Variants in CCM2 observed in about 807,000 individuals in gnomAD.
The protein encoded by CCM2 is CCM2 scaffold protein, also known as cerebral cavernous malformations 2 protein.
Under a neutral mutation model 44.9 loss-of-function variants are expected in CCM2, and 25 were observed. The ratio of observed to expected loss-of-function variants is 0.56; its 90% CI spans 0.41 to 0.78. The LOEUF (loss-of-function observed/expected upper bound fraction) is 0.78, where lower values mean the gene tolerates loss of function less well. Ranked by LOEUF, CCM2 falls within the 30% of genes least tolerant of loss-of-function variation. CCM2 has a pLI of 0.00. For synonymous variants in CCM2, 219 were observed against 241.1 expected, an observed-to-expected ratio of 0.91 and a Z score of 0.85; for missense variants, 481 against 580.6, an observed-to-expected ratio of 0.83 and a Z score of 1.76.
intron 2 of CCM2, among the ~76,000 whole-genome samples, chr7:45,052,817 T>C (rs1272693085): frequency 3.9e-5 from 6 of 152,188 alleles, no homozygotes; most frequent in Admixed American, 3.9e-4. Flanking sequence ...TAATCTCTGC[T>C]TTTCCCACTG....
intron 2 of CCM2, among the ~76,000 whole-genome samples, chr7:45,053,321 C>T (rs1245236525): frequency 6.6e-6 from 1 of 152,216 alleles, no homozygotes; most frequent in African/African-American, 2.4e-5. Flanking sequence ...CTCCTTCAGT[C>T]AGTGTTTCTG....
chr7:45,056,917 GTTTTCTTCTAAGAA>G (rs999719084), intron 2 of CCM2, among the ~76,000 whole-genome samples: 10 of 152,056 alleles, frequency 6.6e-5, no homozygotes, highest in African/African-American at 2.4e-4. Flanking sequence ...CTTTTCCTGT[GTTTTCTTCTAAGAA>G]TTTTATAGTT....
At chr7:45,043,386 T>C (rs1189560148) in intron 2 of CCM2, among the ~76,000 whole-genome samples, 1 of 152,214 alleles carries the variant, frequency 6.6e-6, no homozygotes, top group Non-Finnish European at 1.5e-5. Flanking sequence ...CTCAGGAAAC[T>C]ATTAGGTAAC....
Position 45,064,505 on chromosome 7 carries a change from G to A in CCM2, c.331G>A (p.Ala111Thr). 2 of 1,613,806 alleles carry A rather than the reference G, an allele frequency of 1.2e-6. No individual in the cohort carries two copies. The highest frequency in any genetic ancestry group is 1.1e-5 in the South Asian group (1 of 91,048). ...LPGHLTQEHDAVLSLSAYNVK... is the reference protein window; with the variant it reads ...LPGHLTQEHDTVLSLSAYNVK... ...GGGACACTTGACTCAGGAGCACGAT[G>A]CTGTGCTCAGCCTGTCTGCGTACAA... is the stretch of plus-strand genomic sequence containing the variant. Residue 111 changes from alanine to threonine, a missense_variant, in exon 4 of 10, where the codon GCT (alanine) becomes ACT (threonine). Ala to Thr is a moderately conservative substitution (Grantham distance 58). Coordinates refer to ENST00000258781, the MANE Select transcript of CCM2 (RefSeq NM_031443.4).
intron 2 of CCM2, among the ~76,000 whole-genome samples, chr7:45,055,643 G>A (rs529452240): frequency 4.5e-4 from 69 of 152,286 alleles, no homozygotes; most frequent in African/African-American, 1.5e-3. Flanking sequence ...AGCTGAGATC[G>A]CACCACTGCA....
At chr7:45,064,095 C>G (rs1180844457) in intron 3 of CCM2, 94 bp downstream of exon 3, 1 of 846,530 alleles carries the variant, frequency 1.2e-6, no homozygotes, top group Non-Finnish European at 2.0e-6. Context: ...AGGAATGAGC[C>G]AGTCCCATCA....
intron 2 of CCM2, among the ~76,000 whole-genome samples, chr7:45,054,104 A>G (rs1389836215): frequency 6.6e-6 from 1 of 152,184 alleles, no homozygotes; most frequent in Admixed American, 6.5e-5. Context: ...GTCCTCTCCC[A>G]GGTGCATTCC....
At chr7:45,060,176 A>G (rs1180086400) in intron 2 of CCM2, among the ~76,000 whole-genome samples, 1 of 152,110 alleles carries the variant, frequency 6.6e-6, no homozygotes, top group African/African-American at 2.4e-5. Context: ...TCTGATAAAA[A>G]TCTTTATTTC....
intron 1 of CCM2, among the ~76,000 whole-genome samples, chr7:45,019,735 A>C (rs1796408274): frequency 6.6e-6 from 1 of 152,192 alleles, no homozygotes; most frequent in Middle Eastern, 3.4e-3. Context: ...GGCATGCACT[A>C]TCTGGCTAAT....
intron 1 of CCM2, among the ~76,000 whole-genome samples, chr7:45,002,141 T>C (rs193115772): frequency 2.0e-5 from 3 of 152,318 alleles, no homozygotes; most frequent in East Asian, 3.9e-4. Flanking sequence ...ACTTCGGTGG[T>C]TAAATCATTC....
At chr7:45,073,027 G>A in intron 7 of CCM2, 1 of 627,180 alleles carries the variant, frequency 1.6e-6, no homozygotes, top group Non-Finnish European at 2.9e-6. Flanking sequence ...CCTCCCAAGA[G>A]TGAGCTTGTA....
At chr7:45,030,733 T>A (rs1225956590) in intron 1 of CCM2, among the ~76,000 whole-genome samples, 1 of 152,106 alleles carries the variant, frequency 6.6e-6, no homozygotes, top group African/African-American at 2.4e-5. Flanking sequence ...TTTTATTTAT[T>A]TTTTTCTTGA....
At chr7:45,069,700 C>A in intron 5 of CCM2, 126 bp from the exon 6 acceptor site, 1 of 1,238,686 alleles carries the variant, frequency 8.1e-7, no homozygotes, top group Non-Finnish European at 1.2e-6. Context: ...CAGAGGGACA[C>A]ATTCTGGTAT....
chr7:45,020,762 G>A (rs2128718599), intron 1 of CCM2, among the ~76,000 whole-genome samples: 1 of 152,164 alleles, frequency 6.6e-6, no homozygotes, highest in Admixed American at 6.5e-5. Context: ...AAATGAACTT[G>A]TTAAGTTTTC....
intron 1 of CCM2, among the ~76,000 whole-genome samples, chr7:45,008,356 CTTT>C (rs59435094): frequency 2.4e-4 from 27 of 114,786 alleles, no homozygotes; most frequent in African/African-American, 1.1e-3. Context: ...GGTACATGTT[CTTT>C]TTTTTTTTTT....
At chr7:45,049,754 A>G (rs1797914681) in intron 2 of CCM2, among the ~76,000 whole-genome samples, 1 of 150,892 alleles carries the variant, frequency 6.6e-6, no homozygotes, top group South Asian at 2.1e-4. Flanking sequence ...AAAGGGTTGA[A>G]GTCAGTGCAT....
chr7:45,039,899 C>T (rs1797400243), intron 2 of CCM2, among the ~76,000 whole-genome samples: 2 of 151,904 alleles, frequency 1.3e-5, no homozygotes, highest in South Asian at 2.1e-4. Flanking sequence ...TGGTGGCAGG[C>T]GCCTGTAATC....
At position 45,071,741 on chromosome 7, in the gene CCM2, T is replaced by G. The variant is rs756654387; in HGVS notation, c.746-985T>G. On this transcript the variant is annotated intron_variant, in intron 6 of 9. Coordinates refer to ENST00000258781, the MANE Select transcript of CCM2 (RefSeq NM_031443.4). The stretch of plus-strand genomic sequence containing the variant: ...GCCTTGGCTCATGGCCCTTCCTCTG[T>G]CTTCACAGCCAGCCACGTGACCTCT... 57 of 456,580 alleles carry G rather than the reference T, an allele frequency of 1.2e-4. 1 individual carries two copies. The highest frequency in any genetic ancestry group is 8.5e-4 in the South Asian group (55 of 64,568). The allele number at this position is 456,580 out of a possible 1,614,324, so 28.3% of individuals were successfully genotyped here. A position where few individuals can be genotyped will look rare whatever the true frequency, so the allele number is the denominator to read the frequency against.
intron 2 of CCM2, among the ~76,000 whole-genome samples, chr7:45,047,098 C>T (rs1469218892): frequency 2.6e-5 from 4 of 152,030 alleles, no homozygotes; most frequent in African/African-American, 9.7e-5. Context: ...GGAACTGGAC[C>T]CCTCATTCAT....
Sources: allele counts gnomAD v4.1 joint callset (sites outside exome capture counted in the v4.1 genomes callset), GRCh38; gene constraint gnomAD v4.1.1; transcripts MANE v1.5; gene names NCBI Gene and HGNC (gene_info 2026-07-23, HGNC 2026-07-21).